Variants in PTPRE observed in about 807,000 individuals in gnomAD.
PTPRE encodes receptor-type tyrosine-protein phosphatase epsilon.
A neutral mutation model predicts 102.0 loss-of-function variants in PTPRE; 51 were observed. The observed-to-expected ratio is 0.50, with a 90% confidence interval of 0.40 to 0.63. The LOEUF (loss-of-function observed/expected upper bound fraction) is 0.63. Among genes scored for constraint, PTPRE ranks in the 30% least tolerant of loss-of-function variants. The pLI is 0.00. For synonymous variants in PTPRE, 345 were observed against 348.2 expected (o/e 0.99, Z 0.10); for missense variants, 752 against 915.1 (o/e 0.82, Z 2.30).
intron 2 of PTPRE, among the ~76,000 whole-genome samples, chr10:128,032,749 G>A (rs1846879804): frequency 6.6e-6 from 1 of 152,198 alleles, no homozygotes; most frequent in Non-Finnish European, 1.5e-5. Flanking sequence ...TCAGAAACAT[G>A]AGAAATTACA....
chr10:128,053,541 T>C (rs998392633), intron 6 of PTPRE, among the ~76,000 whole-genome samples: 5 of 152,146 alleles, frequency 3.3e-5, no homozygotes, highest in African/African-American at 1.2e-4. Flanking sequence ...GGTTATTCTG[T>C]GCACTTGGAT....
intron 15 of PTPRE, chr10:128,071,423 T>C (rs1405528020): frequency 1.2e-5 from 2 of 160,332 alleles, no homozygotes; most frequent in Non-Finnish European, 2.7e-5. Context: ...ACCCAGGTCA[T>C]GGGAGAGGGA....
intron 7 of PTPRE, among the ~76,000 whole-genome samples, chr10:128,060,713 A>C (rs994414382): frequency 6.6e-6 from 1 of 152,212 alleles, no homozygotes; most frequent in Admixed American, 6.5e-5. Context: ...CAGCTGAGAC[A>C]GTCAGTGTTC....
chr10:128,023,912 C>A (rs935130118), intron 2 of PTPRE, among the ~76,000 whole-genome samples: 1 of 152,232 alleles, frequency 6.6e-6, no homozygotes, highest in Non-Finnish European at 1.5e-5. Flanking sequence ...ACACAATTAT[C>A]TTGTCACTGC....
chr10:127,922,015 G>C (rs754702042), intron 1 of PTPRE, among the ~76,000 whole-genome samples: 1 of 152,218 alleles, frequency 6.6e-6, no homozygotes, highest in African/African-American at 2.4e-5. Flanking sequence ...GAAAGCAATG[G>C]AATAGACTAA....
chr10:128,016,436 A>G (rs1480692173), intron 2 of PTPRE, among the ~76,000 whole-genome samples: 1 of 151,980 alleles, frequency 6.6e-6, no homozygotes, highest in Non-Finnish European at 1.5e-5. Flanking sequence ...AAACTACTCT[A>G]AAAGCATGTC....
At chr10:127,954,571 C>T (rs1486708060) in intron 1 of PTPRE, among the ~76,000 whole-genome samples, 1 of 152,138 alleles carries the variant, frequency 6.6e-6, no homozygotes, top group Non-Finnish European at 1.5e-5. Flanking sequence ...TCGTGGAATT[C>T]ACTAGTCTTA....
chr10:127,909,565 A>G (rs1447300995), intron 1 of PTPRE, among the ~76,000 whole-genome samples: 2 of 152,206 alleles, frequency 1.3e-5, no homozygotes, highest in Non-Finnish European at 2.9e-5. Flanking sequence ...CAATGCGTCA[A>G]AATCAAACTT....
rs41282864 is a variant in PTPRE, at chr10:128,068,294, G to A, written c.1007+8G>A. 0.041 allele frequency: 66,322 copies of A among 1,608,780 alleles called. 1,470 individuals carry two copies. Among genetic ancestry groups the A allele is most frequent in the Non-Finnish European group, 0.046 (54,468 of 1,176,404 alleles). ...CATCGTGGTCCACTGTAGGTACGCT[G>A]TGGGGGCCACGGGGCGGGACCCTCA... is the stretch of plus-strand genomic sequence containing the variant. On this transcript the variant is annotated splice_region_variant and intron_variant, in intron 12 of 20. Transcript: ENST00000254667.
intron 8 of PTPRE, 42 bp from the exon 9 acceptor site, chr10:128,061,637 G>A (rs754069792): frequency 4.5e-6 from 7 of 1,565,984 alleles, no homozygotes; most frequent in Non-Finnish European, 6.0e-6. Flanking sequence ...TTTCAGCAAA[G>A]ATAATTCTGA....
intron 1 of PTPRE, among the ~76,000 whole-genome samples, chr10:127,980,554 A>G (rs537719706): frequency 6.6e-6 from 1 of 152,268 alleles, no homozygotes; most frequent in South Asian, 2.1e-4. Context: ...GTTAAATAGG[A>G]GTGGGACAAA....
At chr10:127,927,388 A>G (rs2135215466) in intron 1 of PTPRE, among the ~76,000 whole-genome samples, 1 of 152,306 alleles carries the variant, frequency 6.6e-6, no homozygotes, top group East Asian at 1.9e-4. Context: ...GACACTCCGC[A>G]TGAGAGGGCA....
At chr10:127,924,170 G>A (rs1846835407) in intron 1 of PTPRE, among the ~76,000 whole-genome samples, 1 of 152,172 alleles carries the variant, frequency 6.6e-6, no homozygotes, top group Non-Finnish European at 1.5e-5. Flanking sequence ...AAGTTACAGG[G>A]TGACAGGCAT....
chr10:128,082,195 C>CT lies in PTPRE; in HGVS notation c.2029-609dup, dbSNP rs35709074. 8.6e-3 allele frequency among the ~76,000 whole-genome samples: 766 copies of CT among 89,020 alleles called. 76 individuals carry two copies. Among genetic ancestry groups the CT allele is most frequent in the Non-Finnish European group, 0.012 (541 of 46,330 alleles). The allele number at this position is 89,020 out of a possible 152,430, so 58.4% of individuals were successfully genotyped here. On this transcript the variant is annotated intron_variant, in intron 20 of 20. Transcript: ENST00000254667. Reference sequence around the variant, plus strand: ...TTAGTACTCTGATTTTTTTCTCTTTCTTTTTTTTTTTTTTTTTTTTTTTTT... The same window carrying CT: ...TTAGTACTCTGATTTTTTTCTCTTTCTTTTTTTTTTTTTTTTTTTTTTTTTT...
chr10:128,071,127 G>C, intron 15 of PTPRE: 2 of 551,582 alleles, frequency 3.6e-6, no homozygotes, highest in Non-Finnish European at 6.4e-6. Context: ...TCTCAGGCAA[G>C]CTGCTTCGGA....
At chr10:127,993,402 G>A (rs1304172369) in intron 2 of PTPRE, among the ~76,000 whole-genome samples, 1 of 152,140 alleles carries the variant, frequency 6.6e-6, no homozygotes, top group Non-Finnish European at 1.5e-5. Flanking sequence ...TGGGGCCACC[G>A]CAGAGGGACA....
At chr10:127,984,775 C>A (rs140151221) in intron 2 of PTPRE, among the ~76,000 whole-genome samples, 1 of 152,206 alleles carries the variant, frequency 6.6e-6, no homozygotes, top group Non-Finnish European at 1.5e-5. Context: ...CCATGTGAGA[C>A]GTGCCTTTCA....
At chr10:128,056,243 C>T (rs41282862) in intron 7 of PTPRE, 30 bp downstream of exon 7, 122,346 of 1,558,204 alleles carry the variant, frequency 0.079, 5,606 homozygotes, top group Non-Finnish European at 0.093. Context: ...TTTGCATGAT[C>T]AATGGTGTTT....
intron 1 of PTPRE, among the ~76,000 whole-genome samples, chr10:127,909,323 A>T (rs955535623): frequency 6.6e-6 from 1 of 152,150 alleles, no homozygotes; most frequent in Admixed American, 6.5e-5. Context: ...AGTGGGGGTG[A>T]TGGTAGATGC....
Sources: allele counts gnomAD v4.1 joint callset (sites outside exome capture counted in the v4.1 genomes callset), GRCh38; gene constraint gnomAD v4.1.1; transcripts MANE v1.5; gene names NCBI Gene and HGNC (gene_info 2026-07-23, HGNC 2026-07-21).